Variants in CELF2 observed in about 807,000 individuals in gnomAD.
CELF2 encodes CUG triplet repeat RNA-binding protein 2.
In CELF2, 8 loss-of-function variants were observed where a neutral mutation model predicts 62.6. That is an observed-to-expected ratio of 0.13 (90% CI 0.07 to 0.23). The LOEUF is 0.23. Among genes scored for constraint, CELF2 ranks in the 10% least tolerant of loss-of-function variants. The probability of loss-of-function intolerance (pLI) is 1.00; values close to 1 mark genes in which losing one functional copy is unlikely to be tolerated. For synonymous variants in CELF2, 258 were observed against 250.0 expected, an observed-to-expected ratio of 1.03 and a Z score of -0.30; for missense variants, 333 against 671.0, an observed-to-expected ratio of 0.50 and a Z score of 5.56.
intron 1 of CELF2, among the ~76,000 whole-genome samples, chr10:11,009,487 G>C (rs910182825): frequency 6.6e-6 from 1 of 152,154 alleles, no homozygotes; most frequent in Non-Finnish European, 1.5e-5. Flanking sequence ...GCAATTATCA[G>C]GTACAGGTGT....
chr10:10,930,450 T>C (rs763139737), intron 2 of CELF2, among the ~76,000 whole-genome samples: 7 of 152,182 alleles, frequency 4.6e-5, no homozygotes, highest in Non-Finnish European at 7.3e-5. Context: ...AAATAAATGA[T>C]CAAAATAAAA....
chr10:10,499,032 C>G, the CELF2 span, among the ~76,000 whole-genome samples: 1 of 151,462 alleles, frequency 6.6e-6, no homozygotes, highest in Non-Finnish European at 1.5e-5. Context: ...CAGTCATCCA[C>G]TGCTTATGAA....
At position 11,319,179 on chromosome 10, in the gene CELF2, A is replaced by C; in HGVS notation, c.1097-2010A>C. The stretch of plus-strand genomic sequence containing the variant: ...TCCAGAGGACTGTGCCCAGAGTGCG[A>C]TCATCTGTAATCCACAGCACCCGTT... On this transcript the variant is annotated intron_variant, in intron 10 of 12. Transcript: ENST00000633077. This position sits in a 1 kb window ranked among gnomAD's most constrained non-coding sequence, Gnocchi z 4.4. 2.2e-6 allele frequency: 1 copy of C among 451,656 alleles called. No individual in the cohort carries two copies. Among genetic ancestry groups the C allele is most frequent in the Non-Finnish European group, 4.6e-6 (1 of 218,600 alleles). 28.0% of individuals were successfully genotyped at this position (451,656 alleles called of 1,614,324 possible). A position where few individuals can be genotyped will look rare whatever the true frequency, so the allele number is the denominator to read the frequency against.
chr10:10,687,416 G>A, the CELF2 span, among the ~76,000 whole-genome samples: 151 of 152,196 alleles, frequency 9.9e-4, no homozygotes, highest in Non-Finnish European at 1.4e-3. Flanking sequence ...ACTATTGAAC[G>A]AACCTAATGA....
the CELF2 span, among the ~76,000 whole-genome samples, chr10:10,574,508 G>T: frequency 6.6e-6 from 1 of 152,080 alleles, no homozygotes; most frequent in Admixed American, 6.6e-5. Flanking sequence ...TGGTAACAAG[G>T]GATAAATTTT....
At chr10:10,870,817 C>T (rs565779193) in intron 1 of CELF2, among the ~76,000 whole-genome samples, 2 of 152,286 alleles carry the variant, frequency 1.3e-5, no homozygotes, top group South Asian at 2.1e-4. Flanking sequence ...GTGACAGTCG[C>T]GCTGGCCTGA....
chr10:10,698,881 A>G, the CELF2 span, among the ~76,000 whole-genome samples: 2 of 152,208 alleles, frequency 1.3e-5, no homozygotes, highest in Admixed American at 6.5e-5. Flanking sequence ...TATAAAATTC[A>G]GTAATGAATT....
chr10:10,749,206 T>C, the CELF2 span, among the ~76,000 whole-genome samples: 1 of 152,204 alleles, frequency 6.6e-6, no homozygotes, highest in Non-Finnish European at 1.5e-5. Flanking sequence ...CATATTGTTG[T>C]ACTGTTATAG....
chr10:11,120,048 G>C (rs928894330), intron 1 of CELF2, among the ~76,000 whole-genome samples: 2 of 152,098 alleles, frequency 1.3e-5, no homozygotes, highest in African/African-American at 4.8e-5. Flanking sequence ...GACATAAGCA[G>C]AATTTGGTCC....
intron 1 of CELF2, among the ~76,000 whole-genome samples, chr10:10,832,090 A>C (rs1222925035): frequency 6.6e-6 from 1 of 151,638 alleles, no homozygotes; most frequent in Non-Finnish European, 1.5e-5. Context: ...CAACGTGGTA[A>C]AACCCTGTAT....
Position 11,226,448 on chromosome 10 carries a change from G to A in CELF2, c.354+8941G>A, listed in dbSNP as rs527387656. 3.0e-4 allele frequency among the ~76,000 whole-genome samples: 45 copies of A among 152,334 alleles called. No homozygotes were observed. The South Asian group carries it at 9.1e-3, about 31-fold the overall frequency. On this transcript the variant is annotated intron_variant, in intron 3 of 12. Transcript: ENST00000633077. ...ATTTGCCCCTTTGGCACTGTCACAA[G>A]GTAAATCTAAATCCTCAGTCCTGCC...
chr10:10,639,119 T>C, the CELF2 span, among the ~76,000 whole-genome samples: 2 of 152,208 alleles, frequency 1.3e-5, no homozygotes, highest in Non-Finnish European at 2.9e-5. Flanking sequence ...CACTATATAA[T>C]CATAAGAAAA....
In CELF2 at chr10:11,104,631, G is replaced by A. The variant is rs547337328; in HGVS notation, c.75-60855G>A. Among the ~76,000 whole-genome samples, 7 of 151,120 alleles carry A rather than the reference G, an allele frequency of 4.6e-5. No individual in the cohort carries two copies. In the East Asian group the frequency reaches 7.8e-4, roughly 17 times the overall value. On this transcript the variant is annotated intron_variant, in intron 1 of 12. Coordinates refer to ENST00000633077, the MANE Select transcript of CELF2 (RefSeq NM_001326342.2). ...CAGGAGGCCGATACTGCCCTAAGAC[G>A]TGATTGTGCCACTGCACTCCAGTCT...
In CELF2 at chr10:11,156,094, G is replaced by C. The variant is rs1013585148; in HGVS notation, c.75-9392G>C. Among the ~76,000 whole-genome samples, 1 of 152,180 alleles carries C rather than the reference G, an allele frequency of 6.6e-6. No individual in the cohort carries two copies. Among genetic ancestry groups the C allele is most frequent in the Non-Finnish European group, 1.5e-5 (1 of 68,018 alleles). Reference sequence around the variant, plus strand: ...CCAAATTAGGAAAGCCCACCAACCAGTTTTATATTAATAATAATGTAATGA... The same window carrying C: ...CCAAATTAGGAAAGCCCACCAACCACTTTTATATTAATAATAATGTAATGA... On this transcript the variant is annotated intron_variant, in intron 1 of 12. Coordinates refer to ENST00000633077, the MANE Select transcript of CELF2 (RefSeq NM_001326342.2). This position sits in a 1 kb window ranked among gnomAD's most constrained non-coding sequence, Gnocchi z 4.3.
intron 1 of CELF2, among the ~76,000 whole-genome samples, chr10:11,160,983 G>A (rs1444157217): frequency 1.3e-5 from 2 of 152,092 alleles, no homozygotes; most frequent in African/African-American, 4.8e-5. Flanking sequence ...AAATCACTGG[G>A]CCTTATAAAA....
At chr10:11,181,875 A>C (rs978183469) in intron 2 of CELF2, among the ~76,000 whole-genome samples, 1 of 152,192 alleles carries the variant, frequency 6.6e-6, no homozygotes, top group Non-Finnish European at 1.5e-5. Context: ...ACCAGCCTGT[A>C]TCCTGCCTTG....
chr10:10,784,286 G>A, the CELF2 span, among the ~76,000 whole-genome samples: 1 of 152,330 alleles, frequency 6.6e-6, no homozygotes, highest in African/African-American at 2.4e-5. Flanking sequence ...CAGCATCTAG[G>A]GGTGGGTGTC....
the CELF2 span, among the ~76,000 whole-genome samples, chr10:10,620,509 C>T: frequency 1.3e-5 from 2 of 150,632 alleles, no homozygotes; most frequent in Non-Finnish European, 3.0e-5. Context: ...ATATGGCCCA[C>T]GAAGTGTAAA....
At chr10:11,310,559 A>C (rs34989709) in intron 9 of CELF2, among the ~76,000 whole-genome samples, 17,899 of 152,120 alleles carry the variant, frequency 0.12, 1,106 homozygotes, top group South Asian at 0.16. Flanking sequence ...GGAGGGCCCA[A>C]GGATATCCTT....
Sources: gnomAD v4.1 joint callset for allele counts (sites outside exome capture counted in the v4.1 genomes callset) on GRCh38, gnomAD v4.1.1 for gene constraint, Gnocchi (gnomAD v3.1) non-coding constraint, MANE v1.5 for transcripts, NCBI Gene and HGNC (gene_info 2026-07-23, HGNC 2026-07-21) for gene names.